The following MNAT1 variants were observed in gnomAD, a reference collection of about 807,000 sequenced individuals.
MNAT1 encodes CDK-activating kinase assembly factor MAT1.
MNAT1 carries 43 observed loss-of-function variants against 42.0 expected under a neutral mutation model. That is an observed-to-expected ratio of 1.02 (90% CI 0.80 to 1.32). The LOEUF is 1.32. Among genes scored for constraint, MNAT1 ranks in the 40% most tolerant of loss-of-function variants. MNAT1 has a pLI of 0.00. For missense variants in MNAT1, 306 were observed against 350.4 expected (o/e 0.87, Z 1.01); for synonymous variants, 118 against 120.0 (o/e 0.98, Z 0.11).
intron 7 of MNAT1, among the ~76,000 whole-genome samples, chr14:60,933,105 G>GTACT (rs1475439947): frequency 6.6e-6 from 1 of 151,902 alleles, no homozygotes; most frequent in East Asian, 1.9e-4. Flanking sequence ...GTTGTTTTGA[G>GTACT]TACTAAATGA....
chr14:60,792,502 G>A (rs771214851), intron 1 of MNAT1, among the ~76,000 whole-genome samples: 33 of 151,992 alleles, frequency 2.2e-4, no homozygotes, highest in Non-Finnish European at 3.4e-4. Context: ...TTGTTTTTTA[G>A]CTTTCAAGAC....
intron 7 of MNAT1, among the ~76,000 whole-genome samples, chr14:60,885,285 A>ATC (rs1040498182): frequency 4.0e-5 from 6 of 151,364 alleles, no homozygotes; most frequent in African/African-American, 1.5e-4. Context: ...TTCTACCCTC[A>ATC]TCTCTCTCTC....
At chr14:60,786,258 A>G (rs2031648041) in intron 1 of MNAT1, among the ~76,000 whole-genome samples, 1 of 151,924 alleles carries the variant, frequency 6.6e-6, no homozygotes, top group African/African-American at 2.4e-5. Flanking sequence ...AAACAAAATA[A>G]GAAGTGAAGA....
chr14:60,866,307 CTTTT>C (rs58874872), intron 6 of MNAT1, among the ~76,000 whole-genome samples: 12 of 94,380 alleles, frequency 1.3e-4, no homozygotes, highest in South Asian at 3.4e-4. Flanking sequence ...TTATTTTGAC[CTTTT>C]TTTTTTTTTT....
chr14:60,791,306 A>C (rs1039309814), intron 1 of MNAT1, among the ~76,000 whole-genome samples: 3 of 152,156 alleles, frequency 2.0e-5, no homozygotes, highest in Non-Finnish European at 4.4e-5. Flanking sequence ...TTTTGAGGGC[A>C]ATATCTTTTC....
At chr14:60,884,493 A>T (rs2034618907) in intron 7 of MNAT1, among the ~76,000 whole-genome samples, 1 of 152,038 alleles carries the variant, frequency 6.6e-6, no homozygotes, top group Non-Finnish European at 1.5e-5. Flanking sequence ...GCTTGCAAAC[A>T]CTATCTTATA....
Position 60,811,991 on chromosome 14 carries a change from G to T in MNAT1, c.425G>T (p.Arg142Leu). 6.3e-7 allele frequency: 1 copy of T among 1,575,980 alleles called. No individual in the cohort carries two copies. The highest frequency in any genetic ancestry group is 1.2e-5 in the South Asian group (1 of 81,660). ...ATATATAAATTTTTGTTTTAGACTC[G>T]AGAACAGGAAGAACTGGAAGAAGCT... ...VIQKNKLKLTREQEELEEALE... is the reference protein window; with the variant it reads ...VIQKNKLKLTLEQEELEEALE... Residue 142 changes from arginine to leucine, a missense_variant, in exon 5 of 8, where the codon CGA (arginine) becomes CTA (leucine). By Grantham distance (102) the Arg-to-Leu change is moderately radical. Transcript: ENST00000261245.
chr14:60,773,772 C>T (rs1171734643), intron 1 of MNAT1, among the ~76,000 whole-genome samples: 11 of 152,212 alleles, frequency 7.2e-5, no homozygotes, highest in Admixed American at 6.5e-5. Flanking sequence ...TGAGTGAAAC[C>T]TAATGTGTCA....
chr14:60,877,582 A>C (rs1313701067), intron 6 of MNAT1, among the ~76,000 whole-genome samples: 1 of 152,118 alleles, frequency 6.6e-6, no homozygotes, highest in East Asian at 1.9e-4. Flanking sequence ...TAGAAATTGG[A>C]GGAATTAATA....
chr14:60,855,478 A>G (rs1322739210), intron 6 of MNAT1, among the ~76,000 whole-genome samples: 1 of 152,136 alleles, frequency 6.6e-6, no homozygotes, highest in Non-Finnish European at 1.5e-5. Context: ...TGATTTGCAC[A>G]TTGCAAAAAC....
intron 1 of MNAT1, among the ~76,000 whole-genome samples, chr14:60,789,040 A>C (rs2031737832): frequency 6.6e-6 from 1 of 151,978 alleles, no homozygotes; most frequent in Admixed American, 6.6e-5. Flanking sequence ...CTTATGATAC[A>C]CCCTCCTCAG....
chr14:60,908,497 G>A (rs922670806), intron 7 of MNAT1, among the ~76,000 whole-genome samples: 4 of 130,204 alleles, frequency 3.1e-5, no homozygotes, highest in African/African-American at 8.8e-5. Context: ...AACAGGCCCC[G>A]GTGTGTGATG....
intron 6 of MNAT1, among the ~76,000 whole-genome samples, chr14:60,843,600 A>T (rs1282033277): frequency 3.9e-5 from 6 of 151,996 alleles, no homozygotes; most frequent in African/African-American, 1.5e-4. Flanking sequence ...TCTTTTTGTG[A>T]TGACTCTATT....
intron 7 of MNAT1, among the ~76,000 whole-genome samples, chr14:60,892,250 T>G (rs552888644): frequency 3.3e-5 from 5 of 152,140 alleles, no homozygotes; most frequent in Non-Finnish European, 7.4e-5. Context: ...AGGGGAGTAT[T>G]GAAGGCTTTA....
In MNAT1 at chr14:60,775,685, A is replaced by G. The variant is rs372819384; in HGVS notation, c.90-20532A>G. Among the ~76,000 whole-genome samples the G allele has an allele frequency of 6.6e-5, 10 of 152,262 alleles. No homozygotes were observed. In the East Asian group the frequency reaches 7.7e-4, roughly 12 times the overall value. ...AGATAACAACAGAGATATTTTTTTC[A>G]TTTTAACCTGAAGGAATGCAGTTAA... On this transcript the variant is annotated intron_variant, in intron 1 of 7. Coordinates refer to ENST00000261245, the MANE Select transcript of MNAT1 (RefSeq NM_002431.4).
At chr14:60,786,382 C>G (rs991792019) in intron 1 of MNAT1, among the ~76,000 whole-genome samples, 2 of 151,936 alleles carry the variant, frequency 1.3e-5, no homozygotes, top group Non-Finnish European at 2.9e-5. Context: ...TGATTGCATT[C>G]CTTTGAGTTC....
intron 1 of MNAT1, among the ~76,000 whole-genome samples, chr14:60,793,678 T>C (rs2031903122): frequency 1.3e-5 from 2 of 151,880 alleles, no homozygotes; most frequent in African/African-American, 2.4e-5. Context: ...TGGCCTGTTC[T>C]TTTTTTTAAT....
chr14:60,865,251 T>C (rs928672742), intron 6 of MNAT1, among the ~76,000 whole-genome samples: 1 of 152,104 alleles, frequency 6.6e-6, no homozygotes, highest in African/African-American at 2.4e-5. Context: ...GCTTATGTAA[T>C]AGTAGTAGTA....
intron 7 of MNAT1, 98 bp from the exon 8 acceptor site, chr14:60,968,131 C>T: frequency 5.9e-6 from 5 of 852,256 alleles, no homozygotes; most frequent in Non-Finnish European, 7.5e-6. Context: ...CTCGGAATTC[C>T]TCTTTAAAAC....
Sources: allele counts gnomAD v4.1 joint callset (sites outside exome capture counted in the v4.1 genomes callset), GRCh38; gene constraint gnomAD v4.1.1; transcripts MANE v1.5; gene names NCBI Gene and HGNC (gene_info 2026-07-23, HGNC 2026-07-21).